DMRT1: variants seen among roughly 807,000 people sequenced by gnomAD.
The protein encoded by DMRT1 is doublesex- and mab-3-related transcription factor 1.
Under a neutral mutation model 32.3 loss-of-function variants are expected in DMRT1, and 7 were observed. That is an observed-to-expected ratio of 0.22 (90% CI 0.12 to 0.41). DMRT1 has a LOEUF of 0.41. Among genes scored for constraint, DMRT1 ranks in the 10% least tolerant of loss-of-function variants. The pLI is 1.00. For synonymous variants in DMRT1, 278 were observed against 206.1 expected, an observed-to-expected ratio of 1.35 and a Z score of -2.99; for missense variants, 625 against 500.5, an observed-to-expected ratio of 1.25 and a Z score of -2.37.
intron 3 of DMRT1, among the ~76,000 whole-genome samples, chr9:910,407 T>A (rs1457382670): frequency 6.6e-6 from 1 of 152,182 alleles, no homozygotes; most frequent in Non-Finnish European, 1.5e-5. Flanking sequence ...AGATGACAAT[T>A]TGGTCTTCAC....
At chr9:883,418 T>C (rs150624111) in intron 2 of DMRT1, among the ~76,000 whole-genome samples, 1 of 151,822 alleles carries the variant, frequency 6.6e-6, no homozygotes, top group Non-Finnish European at 1.5e-5. Flanking sequence ...CTCCCCTCAG[T>C]GAGGAGCATC....
chr9:856,436 T>A (rs1011748272), intron 2 of DMRT1, among the ~76,000 whole-genome samples: 2 of 152,186 alleles, frequency 1.3e-5, no homozygotes, highest in Admixed American at 6.5e-5. Flanking sequence ...ATAGATTTTC[T>A]GTCTCTACAG....
intron 2 of DMRT1, among the ~76,000 whole-genome samples, chr9:890,085 G>GTTTTTTTTTTTTTTTTT (rs35228255): frequency 1.3e-4 from 13 of 103,004 alleles, no homozygotes; most frequent in African/African-American, 4.2e-4. Context: ...CACCAAACGT[G>GTTTTTTTTTTTTTTTTT]TTTTTTTTTT....
At chr9:850,995 C>G (rs1839121819) in intron 2 of DMRT1, among the ~76,000 whole-genome samples, 1 of 147,764 alleles carries the variant, frequency 6.8e-6, no homozygotes, top group Admixed American at 6.9e-5. Context: ...TGCCATTGCA[C>G]TCCGGCCTGG....
chr9:884,007 C>A (rs546823121), intron 2 of DMRT1, among the ~76,000 whole-genome samples: 1 of 152,046 alleles, frequency 6.6e-6, no homozygotes, highest in African/African-American at 2.4e-5. Context: ...ATAAATTAAT[C>A]GTTTACATGA....
intron 4 of DMRT1, among the ~76,000 whole-genome samples, chr9:927,543 CA>C (rs1818568505): frequency 6.6e-6 from 1 of 152,144 alleles, no homozygotes; most frequent in Non-Finnish European, 1.5e-5. Flanking sequence ...TGAGTTATGT[CA>C]GAATTTGGCT....
chr9:874,801 CTTTTTTTTTTTT>C (rs71327354), intron 2 of DMRT1, among the ~76,000 whole-genome samples: 33 of 76,932 alleles, frequency 4.3e-4, no homozygotes, highest in African/African-American at 1.7e-3. Context: ...ACAAGTTAAT[CTTTTTTTTTTTT>C]TTTTTTTTTT....
At chr9:903,664 C>G (rs533195395) in intron 3 of DMRT1, among the ~76,000 whole-genome samples, 2 of 152,062 alleles carry the variant, frequency 1.3e-5, no homozygotes, top group Non-Finnish European at 2.9e-5. Flanking sequence ...AGGAATATCC[C>G]GTAGCTACAG....
At chr9:881,196 G>T (rs571615530) in intron 2 of DMRT1, among the ~76,000 whole-genome samples, 1 of 152,142 alleles carries the variant, frequency 6.6e-6, no homozygotes, top group African/African-American at 2.4e-5. Flanking sequence ...TAGGGAGGGG[G>T]CTCTCCAGTC....
chr9:864,570 C>T (rs189465145), intron 2 of DMRT1, among the ~76,000 whole-genome samples: 21 of 147,094 alleles, frequency 1.4e-4, no homozygotes, highest in Admixed American at 3.5e-4. Flanking sequence ...GCGATCTCGG[C>T]TCACTGCAAG....
At chr9:855,668 A>G (rs1291495698) in intron 2 of DMRT1, among the ~76,000 whole-genome samples, 2 of 152,230 alleles carry the variant, frequency 1.3e-5, no homozygotes. Context: ...AGCCCAGGCT[A>G]GAATGCAGTG....
chr9:892,428 A>G (rs1430589595), intron 2 of DMRT1, among the ~76,000 whole-genome samples: 1 of 147,426 alleles, frequency 6.8e-6, no homozygotes, highest in East Asian at 2.0e-4. Flanking sequence ...ACACCTGCCC[A>G]CCCTCTGCTC....
chr9:853,233 A>G (rs1051479233), intron 2 of DMRT1, among the ~76,000 whole-genome samples: 5 of 152,184 alleles, frequency 3.3e-5, no homozygotes, highest in African/African-American at 4.8e-5. Flanking sequence ...GCATCGATGA[A>G]CTTACACTGA....
rs959380197 is a variant in DMRT1, at chr9:947,644, G to A, written c.968-20341G>A. On this transcript the variant is annotated intron_variant, in intron 4 of 4. Coordinates refer to ENST00000382276, the MANE Select transcript of DMRT1 (RefSeq NM_021951.3). Reference sequence around the variant, plus strand: ...CTTTATTTTTATTTTATTTTTTTGAGACAGAGTCTGACTCTGTTGCTCAGG... The same window carrying A: ...CTTTATTTTTATTTTATTTTTTTGAAACAGAGTCTGACTCTGTTGCTCAGG... Among the ~76,000 whole-genome samples the A allele has an allele frequency of 3.3e-5, 5 of 152,114 alleles. No individual in the cohort carries two copies. In the East Asian group the frequency reaches 9.7e-4, roughly 29 times the overall value.
rs574945581 is a variant in DMRT1 at position 874,295 on chromosome 9, T to G, written c.539-19617T>G. On this transcript the variant is annotated intron_variant, in intron 2 of 4. Transcript: ENST00000382276. Reference sequence around the variant, plus strand: ...TCATGGATCAGAATATCAGGATCATTTGAATAGTTCTCAGAAAAATCATAG... The same window carrying G: ...TCATGGATCAGAATATCAGGATCATGTGAATAGTTCTCAGAAAAATCATAG... Among the ~76,000 whole-genome samples the G allele has an allele frequency of 4.6e-5, 7 of 152,348 alleles. No individual in the cohort carries two copies. The South Asian group carries it at 1.4e-3, about 32-fold the overall frequency.
intron 2 of DMRT1, among the ~76,000 whole-genome samples, chr9:869,041 G>A (rs764031827): frequency 2.0e-5 from 3 of 152,052 alleles, no homozygotes; most frequent in Admixed American, 6.5e-5. Context: ...ATAAAAGTTA[G>A]CATCCTTTAT....
At chr9:921,513 G>A (rs893060952) in intron 4 of DMRT1, among the ~76,000 whole-genome samples, 1 of 152,156 alleles carries the variant, frequency 6.6e-6, no homozygotes, top group Non-Finnish European at 1.5e-5. Flanking sequence ...ATGCCTAGAA[G>A]TGGAATTGCT....
intron 4 of DMRT1, among the ~76,000 whole-genome samples, chr9:920,320 A>T (rs1818313600): frequency 6.6e-6 from 1 of 152,160 alleles, no homozygotes; most frequent in African/African-American, 2.4e-5. Flanking sequence ...GAGGACTAGC[A>T]AGGAAAAGAG....
intron 4 of DMRT1, among the ~76,000 whole-genome samples, chr9:946,896 C>T (rs1819263580): frequency 1.3e-5 from 2 of 152,166 alleles, no homozygotes; most frequent in South Asian, 2.1e-4. Context: ...CACAAAAGAG[C>T]AGTGCCTGAC....
Sources: allele counts gnomAD v4.1 joint callset (sites outside exome capture counted in the v4.1 genomes callset), GRCh38; gene constraint gnomAD v4.1.1; transcripts MANE v1.5; gene names NCBI Gene and HGNC (gene_info 2026-07-23, HGNC 2026-07-21).